The following COL10A1 variants were observed in gnomAD, a reference collection of about 807,000 sequenced individuals.
COL10A1 encodes collagen alpha-1(X) chain.
A neutral mutation model predicts 18.2 loss-of-function variants in COL10A1; 10 were observed. The ratio of observed to expected loss-of-function variants is 0.55; its 90% confidence interval spans 0.34 to 0.93. COL10A1 has a LOEUF of 0.93. COL10A1 is among the 40% of genes least tolerant of loss of function. The pLI is 0.02. For synonymous variants in COL10A1, 330 were observed against 316.6 expected, an observed-to-expected ratio of 1.04 and a Z score of -0.45; for missense variants, 897 against 853.5, an observed-to-expected ratio of 1.05 and a Z score of -0.64.
upstream of COL10A1, among the ~76,000 whole-genome samples, chr6:116,163,612 A>G (rs531217558): frequency 8.6e-5 from 13 of 152,024 alleles, no homozygotes; most frequent in South Asian, 4.2e-4. Flanking sequence ...TTTAGTCTCA[A>G]TTGTATTTAG....
At chr6:116,179,768 C>A in the COL10A1 span, among the ~76,000 whole-genome samples, 2 of 152,090 alleles carry the variant, frequency 1.3e-5, no homozygotes, top group South Asian at 4.1e-4. Flanking sequence ...TCTTTGATGT[C>A]CTGGTTTGGT....
chr6:116,121,653 G>C lies in COL10A1; in HGVS notation c.463C>G (p.Pro155Ala). 3.1e-6 allele frequency: 5 copies of C among 1,614,026 alleles called. No homozygotes were observed. Among genetic ancestry groups the C allele is most frequent in the Non-Finnish European group, 4.2e-6 (5 of 1,179,978 alleles). Residue 155 changes from proline (P) to alanine (A), a missense_variant, in exon 3 of 3, where the codon CCA becomes GCA. Coordinates refer to ENST00000651968, the MANE Select transcript of COL10A1 (RefSeq NM_000493.4). ...GIPGPAGISV[P>A]GKPGQQGPTG... is the part of the protein sequence containing the mutation. ...GGTCCCTGTTGTCCAGGTTTTCCTG[G>C]CACAGAAATTCCAGCCGGTCCAGGG... is the stretch of plus-strand genomic sequence containing the variant.
intron 1 of COL10A1, among the ~76,000 whole-genome samples, chr6:116,156,986 C>T (rs888489164): frequency 1.3e-5 from 2 of 152,074 alleles, no homozygotes; most frequent in Non-Finnish European, 2.9e-5. Context: ...CTCATCATAG[C>T]TTGTTTATTT....
the COL10A1 span, among the ~76,000 whole-genome samples, chr6:116,189,545 G>T: frequency 6.6e-6 from 1 of 151,948 alleles, no homozygotes; most frequent in African/African-American, 2.4e-5. Flanking sequence ...AAACGAATGA[G>T]TATTGGATGA....
chr6:116,125,565 C>T (rs1041900163), intron 1 of COL10A1, 58 bp from the exon 2 acceptor site: 2 of 1,518,338 alleles, frequency 1.3e-6, no homozygotes, highest in Non-Finnish European at 9.1e-7. Flanking sequence ...TTTTTTTATT[C>T]TCATGTTTCA....
upstream of COL10A1, among the ~76,000 whole-genome samples, chr6:116,163,141 AATAT>A (rs1554197063): frequency 2.0e-4 from 18 of 88,378 alleles, no homozygotes; most frequent in Middle Eastern, 0.014. Context: ...AAAAAAAAAA[AATAT>A]ATATATATAT....
chr6:116,182,869 C>T, the COL10A1 span, among the ~76,000 whole-genome samples: 1 of 151,398 alleles, frequency 6.6e-6, no homozygotes, highest in East Asian at 1.9e-4. Flanking sequence ...GTATTTTTTG[C>T]TGTATATAAT....
At chr6:116,203,328 T>C in the COL10A1 span, among the ~76,000 whole-genome samples, 1 of 151,990 alleles carries the variant, frequency 6.6e-6, no homozygotes, top group East Asian at 1.9e-4. Context: ...AATGTGAACA[T>C]ATTTTCAGCT....
the COL10A1 span, among the ~76,000 whole-genome samples, chr6:116,179,544 G>A: frequency 2.6e-4 from 39 of 152,134 alleles, no homozygotes; most frequent in African/African-American, 8.9e-4. Flanking sequence ...AATGCTCAAC[G>A]TCACTAATGA....
chr6:116,156,314 AT>A (rs1315913457), intron 1 of COL10A1, among the ~76,000 whole-genome samples: 8 of 152,064 alleles, frequency 5.3e-5, no homozygotes, highest in Middle Eastern at 3.4e-3. Flanking sequence ...GTTAAAAAAA[AT>A]TTTTTTTAGG....
Position 116,120,404 on chromosome 6 carries a change from A to G in COL10A1, c.1712T>C (p.Phe571Ser), listed in dbSNP as rs776596664. Residue 571 changes from phenylalanine to serine, a missense_variant, in exon 3 of 3, where the codon TTT becomes TCT. Transcript: ENST00000651968. ...TTGCCTGTTATACAAAATTTTATCA[A>G]ATGGTATGGGAGTTCCTATTGCTGG... Reference protein sequence around the residue: ...AYPAIGTPIPFDKILYNRQQH... With the variant: ...AYPAIGTPIPSDKILYNRQQH... 1.2e-6 allele frequency: 2 copies of G among 1,614,232 alleles called. No individual in the cohort carries two copies. The highest frequency in any genetic ancestry group is 1.7e-6 in the Non-Finnish European group (2 of 1,180,026).
chr6:116,163,139 A>ATATAT (rs1329810394), upstream of COL10A1, among the ~76,000 whole-genome samples: 110 of 100,372 alleles, frequency 1.1e-3, 1 homozygote, highest in East Asian at 0.012. Context: ...AAAAAAAAAA[A>ATATAT]AAATATATAT....
intron 2 of COL10A1, among the ~76,000 whole-genome samples, chr6:116,122,332 G>A (rs1043425425): frequency 6.6e-6 from 1 of 152,268 alleles, no homozygotes; most frequent in South Asian, 2.1e-4. Context: ...GTGAGAAAAT[G>A]TTTAAGAACT....
At chr6:116,207,594 A>C in the COL10A1 span, among the ~76,000 whole-genome samples, 1 of 151,974 alleles carries the variant, frequency 6.6e-6, no homozygotes, top group Non-Finnish European at 1.5e-5. Flanking sequence ...AAAAATACCC[A>C]AAATATATAA....
At chr6:116,179,246 A>T in the COL10A1 span, among the ~76,000 whole-genome samples, 1 of 152,176 alleles carries the variant, frequency 6.6e-6, no homozygotes, top group African/African-American at 2.4e-5. Flanking sequence ...TAATGTGAAA[A>T]TACTCCTTAT....
the COL10A1 span, among the ~76,000 whole-genome samples, chr6:116,201,734 A>G: frequency 6.6e-6 from 1 of 152,022 alleles, no homozygotes; most frequent in African/African-American, 2.4e-5. Context: ...TGCAGCCGAA[A>G]GAAACACAGG....
At chr6:116,127,485 A>G (rs1048795212), upstream of COL10A1, among the ~76,000 whole-genome samples, 4 of 152,094 alleles carry the variant, frequency 2.6e-5, no homozygotes, top group African/African-American at 9.7e-5. Context: ...ACAAAATAGG[A>G]AAGTTTATAA....
chr6:116,165,083 C>T, the COL10A1 span, among the ~76,000 whole-genome samples: 7 of 127,436 alleles, frequency 5.5e-5, no homozygotes, highest in African/African-American at 1.6e-4. Context: ...GGCGACAGAG[C>T]GAGACTCCGT....
At chr6:116,193,338 A>G in the COL10A1 span, among the ~76,000 whole-genome samples, 1 of 152,100 alleles carries the variant, frequency 6.6e-6, no homozygotes, top group Admixed American at 6.6e-5. Context: ...AGGATGTTTT[A>G]CTTTTAAACA....
Sources: allele counts gnomAD v4.1 joint callset (sites outside exome capture counted in the v4.1 genomes callset), GRCh38; gene constraint gnomAD v4.1.1; transcripts MANE v1.5; gene names NCBI Gene and HGNC (gene_info 2026-07-23, HGNC 2026-07-21).